MDGA2: variants seen among roughly 807,000 people sequenced by gnomAD.
MDGA2 encodes the protein MAM domain containing glycosylphosphatidylinositol anchor 2.
A neutral mutation model predicts 117.8 loss-of-function variants in MDGA2; 40 were observed. That is an observed-to-expected ratio of 0.34 (90% CI 0.26 to 0.44). The LOEUF is 0.44. Ranked by LOEUF, MDGA2 falls within the 20% of genes least tolerant of loss-of-function variation. MDGA2 has a pLI of 1.00. For synonymous variants in MDGA2, 452 were observed against 439.0 expected, an observed-to-expected ratio of 1.03 and a Z score of -0.37; for missense variants, 1,123 against 1,250.6, an observed-to-expected ratio of 0.90 and a Z score of 1.54.
chr14:47,379,217 C>A (rs552504151), intron 1 of MDGA2, among the ~76,000 whole-genome samples: 23 of 152,154 alleles, frequency 1.5e-4, no homozygotes, highest in Non-Finnish European at 3.2e-4. Flanking sequence ...GAAGGAAGCG[C>A]TAAACATGGA....
At chr14:46,924,539 T>C (rs1282487463) in intron 9 of MDGA2, among the ~76,000 whole-genome samples, 1 of 152,120 alleles carries the variant, frequency 6.6e-6, no homozygotes, top group Admixed American at 6.6e-5. Context: ...TTATAGGACA[T>C]GTTTGCAAAT....
intron 1 of MDGA2, among the ~76,000 whole-genome samples, chr14:47,522,337 G>GTATACATGTA (rs1555329312): frequency 0.019 from 2,095 of 109,330 alleles, 41 homozygotes; most frequent in African/African-American, 0.073. Context: ...GTGTATGTGT[G>GTATACATGTA]TATATATGTA....
chr14:47,186,889 G>A (rs1350285919), intron 3 of MDGA2, among the ~76,000 whole-genome samples: 1 of 151,762 alleles, frequency 6.6e-6, no homozygotes. Flanking sequence ...ACCCTCTTTT[G>A]ACAATCTGTT....
At chr14:46,937,611 C>T (rs1420604135) in intron 9 of MDGA2, among the ~76,000 whole-genome samples, 5 of 152,006 alleles carry the variant, frequency 3.3e-5, no homozygotes, top group South Asian at 2.1e-4. Flanking sequence ...GGCACATAGA[C>T]GAATGGACTA....
chr14:47,396,741 T>G (rs1462305072), intron 1 of MDGA2, among the ~76,000 whole-genome samples: 1 of 152,184 alleles, frequency 6.6e-6, no homozygotes, highest in Non-Finnish European at 1.5e-5. Flanking sequence ...AAACAGCTCA[T>G]CATCACTGGT....
chr14:46,854,164 C>G (rs1169671034), intron 15 of MDGA2, among the ~76,000 whole-genome samples: 1 of 151,264 alleles, frequency 6.6e-6, no homozygotes, highest in African/African-American at 2.4e-5. Flanking sequence ...TTTTCTATAC[C>G]CTTACAACAT....
chr14:46,948,544 G>T (rs577678116), intron 9 of MDGA2, among the ~76,000 whole-genome samples: 1 of 151,974 alleles, frequency 6.6e-6, no homozygotes, highest in African/African-American at 2.4e-5. Context: ...CCTGCCTCTT[G>T]GGTGTGGTCT....
chr14:47,586,842 G>A (rs576297004), intron 1 of MDGA2, among the ~76,000 whole-genome samples: 39 of 148,786 alleles, frequency 2.6e-4, no homozygotes, highest in Non-Finnish European at 4.3e-4. Context: ...GTCTCCACAT[G>A]CTTTGCTCTG....
intron 1 of MDGA2, among the ~76,000 whole-genome samples, chr14:47,470,382 T>C (rs1893699500): frequency 5.3e-5 from 8 of 151,954 alleles, no homozygotes; most frequent in Admixed American, 5.3e-4. Flanking sequence ...TTTCTGATCT[T>C]GTGACAGTTT....
intron 3 of MDGA2, among the ~76,000 whole-genome samples, chr14:47,172,537 A>G (rs1405533591): frequency 6.6e-6 from 1 of 152,206 alleles, no homozygotes; most frequent in African/African-American, 2.4e-5. Context: ...CCAAGCAAAC[A>G]GGGTTTGGAG....
At chr14:47,252,680 C>G (rs918789054) in intron 2 of MDGA2, among the ~76,000 whole-genome samples, 2 of 152,080 alleles carry the variant, frequency 1.3e-5, no homozygotes, top group Non-Finnish European at 2.9e-5. Flanking sequence ...CAAAGCTTGA[C>G]AGATATGAAA....
rs1893933867 is a variant in MDGA2, at chr14:47,480,664, T to C, written c.281-179114A>G. ...GATGCACTTCATTTTCTAATTATTG[T>C]TCACAGAAGAAGAAAGAATAAACTT... On this transcript the variant is annotated intron_variant, in intron 1 of 16. Coordinates refer to ENST00000399232, the MANE Select transcript of MDGA2 (RefSeq NM_001113498.3). Among the ~76,000 whole-genome samples the C allele has an allele frequency of 2.6e-5, 4 of 151,960 alleles. No individual in the cohort carries two copies. The South Asian group carries it at 8.3e-4, about 31-fold the overall frequency.
Position 47,218,855 on chromosome 14 carries a change from A to T in MDGA2, c.421-660T>A, listed in dbSNP as rs567482829. 7.9e-5 allele frequency among the ~76,000 whole-genome samples: 12 copies of T among 152,238 alleles called. No homozygotes were observed. The East Asian group carries it at 2.3e-3, about 29-fold the overall frequency. On this transcript the variant is annotated intron_variant, in intron 2 of 16. Transcript: ENST00000399232. Reference sequence around the variant, plus strand: ...ACTTTTCAAGGAGAACATTTCTACTAAACTGCCAAAACATTTTGAATATCT... The same window carrying T: ...ACTTTTCAAGGAGAACATTTCTACTTAACTGCCAAAACATTTTGAATATCT...
intron 5 of MDGA2, among the ~76,000 whole-genome samples, chr14:47,120,428 A>G (rs770304812): frequency 9.9e-5 from 15 of 152,248 alleles, no homozygotes; most frequent in Non-Finnish European, 1.9e-4. Context: ...GAATACAGCA[A>G]CTAAAGCAGA....
intron 8 of MDGA2, among the ~76,000 whole-genome samples, chr14:47,020,755 C>G (rs2138582484): frequency 6.6e-6 from 1 of 152,190 alleles, no homozygotes; most frequent in Admixed American, 6.5e-5. Flanking sequence ...ATGGTCATTT[C>G]AATTCAAATG....
chr14:47,214,605 C>A (rs1207887368), intron 3 of MDGA2, among the ~76,000 whole-genome samples: 1 of 152,022 alleles, frequency 6.6e-6, no homozygotes. Context: ...TAAACTTTCT[C>A]AAAGTGATCA....
At chr14:47,636,627 T>C (rs1897325274) in intron 1 of MDGA2, among the ~76,000 whole-genome samples, 3 of 151,564 alleles carry the variant, frequency 2.0e-5, no homozygotes, top group South Asian at 4.2e-4. Flanking sequence ...CTACTAAAAA[T>C]ACAAAAAATT....
intron 8 of MDGA2, among the ~76,000 whole-genome samples, chr14:46,973,851 A>T (rs1474818547): frequency 2.0e-5 from 3 of 152,128 alleles, no homozygotes; most frequent in Admixed American, 1.3e-4. Context: ...TAAAAAAGCA[A>T]CAAAATCAAC....
chr14:47,084,618 C>T (rs1890830491), intron 6 of MDGA2, among the ~76,000 whole-genome samples: 1 of 152,070 alleles, frequency 6.6e-6, no homozygotes, highest in Non-Finnish European at 1.5e-5. Flanking sequence ...ACTTACCCAC[C>T]CTAACCCATT....
Sources: allele counts gnomAD v4.1 joint callset (sites outside exome capture counted in the v4.1 genomes callset), GRCh38; gene constraint gnomAD v4.1.1; transcripts MANE v1.5; gene names NCBI Gene and HGNC (gene_info 2026-07-23, HGNC 2026-07-21).